MTUS2: variants seen among roughly 807,000 people sequenced by gnomAD.
The protein encoded by MTUS2 is microtubule-associated tumor suppressor candidate 2.
MTUS2 carries 40 observed loss-of-function variants against 114.1 expected under a neutral mutation model. That is an observed-to-expected ratio of 0.35 (90% CI 0.27 to 0.46). The LOEUF (loss-of-function observed/expected upper bound fraction) is 0.46. Among genes scored for constraint, MTUS2 ranks in the 20% least tolerant of loss-of-function variants. MTUS2 has a pLI of 1.00. For missense variants in MTUS2, 1,679 were observed against 1,705.4 expected (o/e 0.98, Z 0.27); for synonymous variants, 688 against 672.0 (o/e 1.02, Z -0.37).
intron 5 of MTUS2, among the ~76,000 whole-genome samples, chr13:29,236,477 G>A (rs1168096336): frequency 6.6e-6 from 1 of 152,190 alleles, no homozygotes; most frequent in Non-Finnish European, 1.5e-5. Context: ...GAACTGTGTG[G>A]AACACTAATT....
At chr13:29,156,375 T>G (rs370492877) in intron 5 of MTUS2, among the ~76,000 whole-genome samples, 102 of 152,126 alleles carry the variant, frequency 6.7e-4, no homozygotes, top group African/African-American at 2.3e-3. Context: ...TAAAAATAGC[T>G]TTATCTATAT....
intron 5 of MTUS2, among the ~76,000 whole-genome samples, chr13:29,115,942 GT>G (rs1408247813): frequency 1.3e-5 from 2 of 152,216 alleles, no homozygotes; most frequent in Non-Finnish European, 2.9e-5. Context: ...CTTAAGGGTG[GT>G]GGGGCCATAA....
At chr13:28,832,852 AAAAG>A (rs899932586) in intron 1 of MTUS2, among the ~76,000 whole-genome samples, 10 of 151,924 alleles carry the variant, frequency 6.6e-5, no homozygotes, top group Admixed American at 3.9e-4. Flanking sequence ...GACTAATAGA[AAAAG>A]AGAGAAGAAT....
At chr13:29,031,532 G>T (rs938268266) in intron 3 of MTUS2, among the ~76,000 whole-genome samples, 2 of 151,794 alleles carry the variant, frequency 1.3e-5, no homozygotes, top group African/African-American at 4.8e-5. Context: ...GGGTAGAGTT[G>T]GTGCTGCAGC....
intron 11 of MTUS2, 109 bp from the exon 12 acceptor site, chr13:29,492,537 G>T: frequency 1.3e-6 from 1 of 771,386 alleles, no homozygotes; most frequent in Admixed American, 2.4e-5. Flanking sequence ...TCTGCTATAC[G>T]GGAGTCATTT....
chr13:29,057,967 G>GGACC, intron 4 of MTUS2, among the ~76,000 whole-genome samples: 1 of 151,980 alleles, frequency 6.6e-6, no homozygotes, highest in Non-Finnish European at 1.5e-5. Flanking sequence ...ACTCCCTTAA[G>GGACC]GACCTCTTAT....
intron 2 of MTUS2, among the ~76,000 whole-genome samples, chr13:28,866,112 C>T (rs1877282618): frequency 6.6e-6 from 1 of 152,068 alleles, no homozygotes; most frequent in Admixed American, 6.6e-5. Context: ...TTCGTGCCTC[C>T]CTGGGTAGGT....
intron 9 of MTUS2, among the ~76,000 whole-genome samples, chr13:29,463,736 T>C (rs1879683685): frequency 6.6e-6 from 1 of 152,196 alleles, no homozygotes; most frequent in African/African-American, 2.4e-5. Context: ...GGGTGGCTCA[T>C]GCCTGTAATC....
chr13:29,403,652 A>G (rs1367589972), intron 8 of MTUS2, among the ~76,000 whole-genome samples: 1 of 152,116 alleles, frequency 6.6e-6, no homozygotes, highest in Admixed American at 6.6e-5. Context: ...GTGAAGTGGG[A>G]CATTGATTTT....
intron 5 of MTUS2, among the ~76,000 whole-genome samples, chr13:29,185,943 G>A (rs549142057): frequency 3.2e-4 from 49 of 152,246 alleles, no homozygotes; most frequent in African/African-American, 1.1e-3. Context: ...CTGATGGCTC[G>A]TATCTTTAAT....
intron 5 of MTUS2, among the ~76,000 whole-genome samples, chr13:29,164,459 A>T (rs969790566): frequency 1.3e-5 from 2 of 152,228 alleles, no homozygotes; most frequent in Non-Finnish European, 2.9e-5. Flanking sequence ...AATGGTTTCA[A>T]TGATTGTAAA....
At chr13:28,826,310 T>C (rs1874265517) in intron 1 of MTUS2, among the ~76,000 whole-genome samples, 1 of 152,256 alleles carries the variant, frequency 6.6e-6, no homozygotes, top group Non-Finnish European at 1.5e-5. Context: ...ATGATTACTT[T>C]GGTCTCTTTA....
chr13:29,026,362 T>A lies in MTUS2; in HGVS notation c.1664T>A (p.Phe555Tyr). The A allele has an allele frequency of 6.2e-7, 1 of 1,613,924 alleles. No homozygotes were observed. Residue 555 changes from phenylalanine (F) to tyrosine (Y), a missense_variant, in exon 3 of 16, where the codon TTT becomes TAT. Physicochemically the swap from Phe to Tyr is conservative, Grantham distance 22 (BLOSUM62 3). This residue lies in a region of MTUS2 where 843 missense variants were observed against 770.8 expected (regional missense o/e 1.09). Coordinates refer to ENST00000612955, the MANE Select transcript of MTUS2 (RefSeq NM_001033602.4). The stretch of plus-strand genomic sequence containing the variant: ...CAGCCTACAACACCCAGTAGCAGTT[T>A]TCAGGATGTTAGCGTGTTCGGTATG... ...TYQPTTPSSS[F>Y]QDVSVFGMDA...
At chr13:29,084,216 C>T (rs1889566041) in intron 4 of MTUS2, among the ~76,000 whole-genome samples, 1 of 152,090 alleles carries the variant, frequency 6.6e-6, no homozygotes, top group South Asian at 2.1e-4. Context: ...CCAGTTAGTG[C>T]CCTTTTAAAT....
chr13:28,995,975 A>G (rs1270686426), intron 2 of MTUS2, among the ~76,000 whole-genome samples: 1 of 152,138 alleles, frequency 6.6e-6, no homozygotes, highest in Non-Finnish European at 1.5e-5. Context: ...GTCTTTTGCC[A>G]CTTTTCAAAG....
intron 5 of MTUS2, among the ~76,000 whole-genome samples, chr13:29,250,822 A>G (rs994431903): frequency 1.1e-4 from 17 of 152,158 alleles, no homozygotes; most frequent in Non-Finnish European, 1.6e-4. Context: ...AGTTTTTATT[A>G]CCCGTAAATT....
intron 2 of MTUS2, among the ~76,000 whole-genome samples, chr13:29,006,519 A>G (rs1357543080): frequency 4.6e-5 from 7 of 152,254 alleles, no homozygotes; most frequent in Admixed American, 4.6e-4. Flanking sequence ...AGGACACAGG[A>G]TGAGATTAGT....
rs1886513998 is a variant in MTUS2, at chr13:29,025,878, A to G, written c.1180A>G (p.Thr394Ala). 5 of 1,613,280 alleles carry G rather than the reference A, an allele frequency of 3.1e-6. No individual in the cohort carries two copies. The highest frequency in any genetic ancestry group is 4.2e-6 in the Non-Finnish European group (5 of 1,179,534). The change falls in exon 3 of 16, where the codon ACC (threonine) becomes GCC (alanine). Residue 394 changes from threonine to alanine, a missense_variant. Thr to Ala is a moderately conservative substitution (Grantham distance 58). Around this residue, in one of 3 missense-constraint regions of MTUS2, gnomAD observed 843 missense variants for 770.8 expected, o/e 1.09. Coordinates refer to ENST00000612955, the MANE Select transcript of MTUS2 (RefSeq NM_001033602.4). ...VNPGEQDSLH[T>A]TPKQGSASLG... ...CCCAGGGGAGCAGGATTCTCTCCAC[A>G]CCACCCCCAAACAGGGCTCTGCTTC... is the stretch of plus-strand genomic sequence containing the variant.
intron 8 of MTUS2, among the ~76,000 whole-genome samples, chr13:29,410,488 A>AT (rs1326042089): frequency 2.6e-5 from 4 of 152,072 alleles, no homozygotes; most frequent in African/African-American, 9.6e-5. Flanking sequence ...TTTAGTTTGC[A>AT]TTTTTCTAGT....
Sources: allele counts gnomAD v4.1 joint callset (sites outside exome capture counted in the v4.1 genomes callset), GRCh38; gene constraint gnomAD v4.1.1; regional missense constraint gnomAD v4.1.1; transcripts MANE v1.5; gene names NCBI Gene and HGNC (gene_info 2026-07-23, HGNC 2026-07-21).